LYPD8: variants seen among roughly 807,000 people sequenced by gnomAD.
LYPD8 encodes the protein ly6/PLAUR domain-containing protein 8.
LYPD8 carries 8 observed loss-of-function variants against 1.7 expected under a neutral mutation model. The ratio of observed to expected loss-of-function variants is 4.58; its 90% confidence interval spans 2.69 to 8.27. The LOEUF is 8.27. LYPD8 is among the 30% of genes most tolerant of loss of function. The probability of loss-of-function intolerance (pLI) is 0.00; values close to 1 mark genes in which losing one functional copy is unlikely to be tolerated. For synonymous variants in LYPD8, 50 were observed against 43.6 expected (o/e 1.15, Z -0.58); for missense variants, 112 against 102.3 (o/e 1.09, Z -0.41).
intron 6 of LYPD8, among the ~76,000 whole-genome samples, chr1:248,741,487 G>A (rs782144814): frequency 3.9e-5 from 6 of 152,190 alleles, no homozygotes; most frequent in Admixed American, 6.5e-5. Context: ...GATTACAGGC[G>A]TGAGCCACCG....
chr1:248,743,937 G>T (rs141819471), intron 6 of LYPD8, among the ~76,000 whole-genome samples: 2 of 152,234 alleles, frequency 1.3e-5, no homozygotes, highest in Non-Finnish European at 2.9e-5. Context: ...AACATCTATT[G>T]TATTGAGCCA....
intron 4 of LYPD8, 125 bp from the exon 5 acceptor site, chr1:248,748,578 G>T: frequency 2.5e-6 from 1 of 395,658 alleles, no homozygotes. Flanking sequence ...ATGCAGTTTT[G>T]AAGACACTGG....
intron 2 of LYPD8, among the ~76,000 whole-genome samples, chr1:248,752,807 A>C (rs1232354015): frequency 1.1e-4 from 6 of 56,368 alleles, no homozygotes; most frequent in South Asian, 6.7e-4. Context: ...ACACCCCACA[A>C]CACACACACA....
intron 2 of LYPD8, among the ~76,000 whole-genome samples, chr1:248,752,711 A>G (rs1662824758): frequency 9.1e-6 from 1 of 109,856 alleles, no homozygotes; most frequent in Non-Finnish European, 1.9e-5. Context: ...CACACACCAC[A>G]CTCCCCACTG....
chr1:248,754,487 C>T (rs1348069525), intron 2 of LYPD8, among the ~76,000 whole-genome samples: 1 of 151,664 alleles, frequency 6.6e-6, no homozygotes. Flanking sequence ...ACATCACACA[C>T]ACCACACATG....
chr1:248,740,537 T>A (rs1553283209), intron 6 of LYPD8, among the ~76,000 whole-genome samples: 1 of 152,240 alleles, frequency 6.6e-6, no homozygotes, highest in Non-Finnish European at 1.5e-5. Context: ...CTCTGTCAGC[T>A]GCAATTCAAA....
chr1:248,743,239 C>T (rs1039948512), intron 6 of LYPD8, among the ~76,000 whole-genome samples: 3 of 152,100 alleles, frequency 2.0e-5, no homozygotes, highest in Non-Finnish European at 2.9e-5. Flanking sequence ...CCGAGGCGGG[C>T]GGATCACTTG....
At chr1:248,740,698 CTGG>C (rs1572151463) in intron 6 of LYPD8, among the ~76,000 whole-genome samples, 1 of 148,208 alleles carries the variant, frequency 6.7e-6, no homozygotes, top group Non-Finnish European at 1.5e-5. Flanking sequence ...GAGTTCAAGG[CTGG>C]CTCTAGGACC....
Position 248,739,836 on chromosome 1 carries a change from C to T in LYPD8, c.489G>A (p.Lys163=). Residue 163 remains lysine (K), a synonymous_variant, in exon 7 of 7, where the codon AAG becomes AAA. Transcript: ENST00000590317. This position sits in a 1 kb window ranked among gnomAD's most constrained non-coding sequence, Gnocchi z 4.3. ...VAELKNDIES[K]SLVLKGCSNV... ...TGGAACAGCCTTTCAGCACGAGACT[C>T]TTAGACTCAATGTCTGTGAATGCAA... The T allele has an allele frequency of 1.9e-6, 3 of 1,551,770 alleles. No individual in the cohort carries two copies. The highest frequency in any genetic ancestry group is 2.4e-5 in the South Asian group (2 of 84,066).
In LYPD8 at chr1:248,741,845, G is replaced by A. The variant is rs149575015; in HGVS notation, c.476-1996C>T. On this transcript the variant is annotated intron_variant, in intron 6 of 6. Transcript: ENST00000590317. ...ATGGATATTACTAAGGAAAGAAGCC[G>A]TTTTGAAAAGGCTACATACTGTATG... Among the ~76,000 whole-genome samples the A allele has an allele frequency of 2.6e-3, 394 of 152,292 alleles. 3 individuals are homozygous for A. Among genetic ancestry groups the A allele is most frequent in the African/African-American group, 8.3e-3 (343 of 41,562 alleles).
intron 6 of LYPD8, among the ~76,000 whole-genome samples, chr1:248,741,172 T>A (rs1014221803): frequency 6.6e-6 from 1 of 152,204 alleles, no homozygotes; most frequent in African/African-American, 2.4e-5. Flanking sequence ...GTTAGAAACC[T>A]CCAAATGCTG....
At chr1:248,748,565 A>G (rs1280007279) in intron 4 of LYPD8, 112 bp from the exon 5 acceptor site, 4 of 396,476 alleles carry the variant, frequency 1.0e-5, no homozygotes, top group Non-Finnish European at 1.8e-5. Flanking sequence ...CAACCTCAGT[A>G]TCATGCAGTT....
intron 2 of LYPD8, among the ~76,000 whole-genome samples, chr1:248,753,871 C>T (rs1269509016): frequency 1.4e-5 from 2 of 146,572 alleles, no homozygotes; most frequent in African/African-American, 5.1e-5. Flanking sequence ...CACCACACAC[C>T]CCATGCATCA....
chr1:248,754,482 A>T (rs1662892219), intron 2 of LYPD8, among the ~76,000 whole-genome samples: 1 of 150,418 alleles, frequency 6.6e-6, no homozygotes, highest in Non-Finnish European at 1.5e-5. Flanking sequence ...CACACACATC[A>T]CACACACCAC....
intron 5 of LYPD8, among the ~76,000 whole-genome samples, chr1:248,745,868 G>A (rs1662720013): frequency 6.6e-6 from 1 of 151,748 alleles, no homozygotes; most frequent in Admixed American, 6.6e-5. Flanking sequence ...GTACTACAAG[G>A]TTCAAACCAT....
At chr1:248,750,682 T>C (rs1662786013) in intron 3 of LYPD8, 39 bp from the exon 4 acceptor site, 2 of 398,436 alleles carry the variant, frequency 5.0e-6, no homozygotes, top group African/African-American at 2.1e-5. Context: ...CAACATTCAG[T>C]AGACATTTAT....
intron 5 of LYPD8, among the ~76,000 whole-genome samples, chr1:248,746,202 T>C (rs909124203): frequency 3.8e-4 from 58 of 152,362 alleles, no homozygotes; most frequent in Admixed American, 5.9e-4. Context: ...AGACAGTACA[T>C]ATTGATAGAT....
intron 2 of LYPD8, among the ~76,000 whole-genome samples, chr1:248,753,651 A>ACACACACAC (rs1662873726): frequency 8.5e-6 from 1 of 118,192 alleles, no homozygotes; most frequent in Non-Finnish European, 1.8e-5. Context: ...CATATACATC[A>ACACACACAC]CACACCACAC....
intron 6 of LYPD8, among the ~76,000 whole-genome samples, chr1:248,742,713 A>G (rs111795730): frequency 6.9e-4 from 23 of 33,314 alleles, no homozygotes; most frequent in South Asian, 1.6e-3. Flanking sequence ...AGCGGGGGAG[A>G]TTATGCTCTG....
Sources: allele counts gnomAD v4.1 joint callset (sites outside exome capture counted in the v4.1 genomes callset), GRCh38; gene constraint gnomAD v4.1.1; non-coding constraint Gnocchi (gnomAD v3.1); transcripts MANE v1.5; gene names NCBI Gene and HGNC (gene_info 2026-07-23, HGNC 2026-07-21).